The following IL1RAPL1 variants were observed in gnomAD, a reference collection of about 807,000 sequenced individuals.
IL1RAPL1 encodes interleukin 1 receptor accessory protein like 1, also known as interleukin-1 receptor accessory protein-like 1.
A neutral mutation model predicts 48.4 loss-of-function variants in IL1RAPL1; 3 were observed. The ratio of observed to expected loss-of-function variants is 0.06; its 90% CI spans 0.03 to 0.16. The LOEUF (loss-of-function observed/expected upper bound fraction) is 0.16. Among genes scored for constraint, IL1RAPL1 ranks in the 10% least tolerant of loss-of-function variants. IL1RAPL1 has a pLI of 1.00. For missense variants in IL1RAPL1, 349 were observed against 530.6 expected, an observed-to-expected ratio of 0.66 and a Z score of 3.36; for synonymous variants, 185 against 187.7, an observed-to-expected ratio of 0.99 and a Z score of 0.12.
chrX:28,729,772 C>T (rs956097230), intron 1 of IL1RAPL1, among the ~76,000 whole-genome samples: 33 of 110,451 alleles, frequency 3.0e-4, no homozygotes, highest in African/African-American at 9.5e-4. Flanking sequence ...CCGAGGCAGG[C>T]GGATCATGAG....
At chrX:28,597,173 T>C (rs1933964778) in intron 1 of IL1RAPL1, among the ~76,000 whole-genome samples, 1 of 111,287 alleles carries the variant, frequency 9.0e-6, no homozygotes, top group Middle Eastern at 4.7e-3. Context: ...CCCTGAGCCT[T>C]CATGTCTGGC....
intron 2 of IL1RAPL1, among the ~76,000 whole-genome samples, chrX:29,195,557 C>CCT (rs1555974302): frequency 5.0e-5 from 4 of 79,944 alleles, no homozygotes; most frequent in Non-Finnish European, 9.3e-5. Flanking sequence ...TAACTAATTA[C>CCT]TTTTTTTTTT....
intron 1 of IL1RAPL1, among the ~76,000 whole-genome samples, chrX:28,609,972 A>C (rs1280499594): frequency 9.0e-6 from 1 of 111,604 alleles, no homozygotes; most frequent in Non-Finnish European, 1.9e-5. Context: ...CCTTGCATAC[A>C]AGTCTTGTCA....
chrX:29,171,576 T>C (rs1007976211), intron 2 of IL1RAPL1, among the ~76,000 whole-genome samples: 2 of 111,674 alleles, frequency 1.8e-5, no homozygotes, highest in Non-Finnish European at 3.8e-5. Context: ...AAAGTAACAC[T>C]TTATAAGGCA....
Position 28,913,270 on chromosome X carries a change from G to A in IL1RAPL1, c.82+123845G>A, listed in dbSNP as rs543570570. On this transcript the variant is annotated intron_variant, in intron 2 of 10. Transcript: ENST00000378993. ...TATGATTGTACCAGAAAGGAACATG[G>A]GCAATCATTCTGTCTATCCTTGTAA... 5.4e-5 allele frequency among the ~76,000 whole-genome samples: 6 copies of A among 111,854 alleles called. No individual in the cohort carries two copies. In the South Asian group the frequency reaches 2.2e-3, roughly 41 times the overall value.
intron 5 of IL1RAPL1, among the ~76,000 whole-genome samples, chrX:29,417,582 A>T (rs975891181): frequency 5.3e-5 from 6 of 112,213 alleles, no homozygotes; most frequent in African/African-American, 1.9e-4. Context: ...CCACTCCAAC[A>T]TATCCACCAG....
At chrX:29,462,433 C>G (rs939844868) in intron 5 of IL1RAPL1, among the ~76,000 whole-genome samples, 1 of 111,152 alleles carries the variant, frequency 9.0e-6, no homozygotes, top group African/African-American at 3.3e-5. Flanking sequence ...ATTTTCATTC[C>G]AAAAATCTTA....
intron 1 of IL1RAPL1, among the ~76,000 whole-genome samples, chrX:28,611,602 A>G (rs1019367644): frequency 1.8e-5 from 2 of 113,107 alleles, no homozygotes; most frequent in African/African-American, 6.4e-5. Flanking sequence ...ACAAGTGACA[A>G]TTGCATGCCA....
intron 5 of IL1RAPL1, among the ~76,000 whole-genome samples, chrX:29,556,630 A>C (rs1226982905): frequency 9.5e-6 from 1 of 104,973 alleles, no homozygotes; most frequent in African/African-American, 3.7e-5. Flanking sequence ...CCTGGGCAAC[A>C]AAGCAAGACT....
intron 2 of IL1RAPL1, among the ~76,000 whole-genome samples, chrX:28,997,536 C>T (rs1925751825): frequency 9.0e-6 from 1 of 111,008 alleles, no homozygotes; most frequent in Admixed American, 9.6e-5. Context: ...AAGAGAAAAT[C>T]ATCTTTTTGG....
chrX:28,818,284 G>A (rs988426775), intron 2 of IL1RAPL1, among the ~76,000 whole-genome samples: 3 of 110,862 alleles, frequency 2.7e-5, no homozygotes, highest in African/African-American at 9.8e-5. Context: ...CAATTTTGAA[G>A]AAGTAGTGAT....
chrX:29,941,834 T>C, intron 9 of IL1RAPL1, 40 bp downstream of exon 9: 3 of 1,169,898 alleles, frequency 2.6e-6, no homozygotes, highest in Non-Finnish European at 3.5e-6. Context: ...CTGAATGTTC[T>C]AATTTCTTTC....
At chrX:29,537,509 C>T (rs774632305) in intron 5 of IL1RAPL1, among the ~76,000 whole-genome samples, 2 of 108,111 alleles carry the variant, frequency 1.8e-5, no homozygotes, top group Non-Finnish European at 3.8e-5. Context: ...CATACAAGAT[C>T]TCAGCACCCC....
At chrX:29,656,067 A>G (rs1054783792) in intron 5 of IL1RAPL1, among the ~76,000 whole-genome samples, 1 of 112,634 alleles carries the variant, frequency 8.9e-6, no homozygotes, top group East Asian at 2.8e-4. Context: ...TGATAGATTG[A>G]TATATTGCAT....
At chrX:28,748,060 CTTAAT>C (rs1469008763) in intron 1 of IL1RAPL1, among the ~76,000 whole-genome samples, 1 of 111,982 alleles carries the variant, frequency 8.9e-6, no homozygotes, top group African/African-American at 3.2e-5. Flanking sequence ...TGCTAAATTC[CTTAAT>C]TTGTTTTTGG....
chrX:29,909,376 A>G (rs759131303), intron 6 of IL1RAPL1, among the ~76,000 whole-genome samples: 1 of 110,848 alleles, frequency 9.0e-6, no homozygotes, highest in African/African-American at 3.3e-5. Context: ...AGCTGCAGTG[A>G]ACCGTGATTG....
At chrX:29,401,108 C>T (rs1933987588) in intron 5 of IL1RAPL1, among the ~76,000 whole-genome samples, 1 of 111,644 alleles carries the variant, frequency 9.0e-6, no homozygotes, top group South Asian at 3.7e-4. Flanking sequence ...TAAATGCTTT[C>T]CAGGGCAACC....
In IL1RAPL1 at chrX:29,243,694, T is replaced by G. The variant is rs972767113; in HGVS notation, c.83-39244T>G. ...TCTCTTTCCTGCTGCTTTTCTATTTTATCTCTCATTTTTCTAACATCTTTT... is the reference window on the plus strand; with the variant it reads ...TCTCTTTCCTGCTGCTTTTCTATTTGATCTCTCATTTTTCTAACATCTTTT... On this transcript the variant is annotated intron_variant, in intron 2 of 10. Coordinates refer to ENST00000378993, the MANE Select transcript of IL1RAPL1 (RefSeq NM_014271.4). Among the ~76,000 whole-genome samples, 3 of 111,724 alleles carry G rather than the reference T, an allele frequency of 2.7e-5. No homozygotes were observed. In the Admixed American group the frequency reaches 2.9e-4, roughly 11 times the overall value.
intron 5 of IL1RAPL1, among the ~76,000 whole-genome samples, chrX:29,636,173 TAA>T (rs1453629219): frequency 8.9e-6 from 1 of 111,824 alleles, no homozygotes; most frequent in African/African-American, 3.2e-5. Context: ...GTAAAATCTG[TAA>T]AGTTTTCTAA....
Sources: gnomAD v4.1 joint callset for allele counts (sites outside exome capture counted in the v4.1 genomes callset) on GRCh38, gnomAD v4.1.1 for gene constraint, MANE v1.5 for transcripts, NCBI Gene and HGNC (gene_info 2026-07-23, HGNC 2026-07-21) for gene names.